The following NEK10 variants were observed in gnomAD, a reference collection of about 807,000 sequenced individuals.
NEK10 encodes serine/threonine-protein kinase Nek10.
NEK10 carries 122 observed loss-of-function variants against 159.8 expected under a neutral mutation model. That is an observed-to-expected ratio of 0.76 (90% confidence interval 0.66 to 0.89). The LOEUF is 0.89. Ranked by LOEUF, NEK10 falls within the 40% of genes least tolerant of loss-of-function variation. The pLI, the probability that NEK10 is intolerant of heterozygous loss-of-function variation, is 0.00. For missense variants in NEK10, 1,342 were observed against 1,323.1 expected (o/e 1.01, Z -0.22); for synonymous variants, 466 against 457.1 (o/e 1.02, Z -0.25).
intron 23 of NEK10, among the ~76,000 whole-genome samples, chr3:27,219,163 A>C (rs998852479): frequency 8.5e-5 from 13 of 152,242 alleles, no homozygotes; most frequent in African/African-American, 3.1e-4. Flanking sequence ...TTTTCCTTAA[A>C]GGCGTAGCCA....
chr3:27,294,873 C>T (rs1168667375), intron 15 of NEK10, among the ~76,000 whole-genome samples: 1 of 152,136 alleles, frequency 6.6e-6, no homozygotes, highest in Non-Finnish European at 1.5e-5. Context: ...ATACCCACTC[C>T]TCAAAAACGA....
chr3:27,131,245 G>C (rs1384713151), intron 32 of NEK10, among the ~76,000 whole-genome samples: 2 of 152,132 alleles, frequency 1.3e-5, no homozygotes, highest in Non-Finnish European at 2.9e-5. Flanking sequence ...GCCTTTCAGG[G>C]GAGCTTATGG....
At chr3:27,357,812 C>T (rs1026860318) in intron 1 of NEK10, among the ~76,000 whole-genome samples, 1 of 152,066 alleles carries the variant, frequency 6.6e-6, no homozygotes, top group African/African-American at 2.4e-5. Flanking sequence ...GCCCTAAGTA[C>T]AGAGTCTGAG....
intron 29 of NEK10, among the ~76,000 whole-genome samples, chr3:27,167,404 T>C (rs988151876): frequency 5.9e-5 from 9 of 152,132 alleles, no homozygotes; most frequent in Non-Finnish European, 1.0e-4. Context: ...TAAATATCCA[T>C]CAATTAAACA....
intron 23 of NEK10, among the ~76,000 whole-genome samples, chr3:27,241,718 C>T (rs1310059221): frequency 6.6e-6 from 1 of 152,204 alleles, no homozygotes; most frequent in Non-Finnish European, 1.5e-5. Flanking sequence ...ATTCTTTTCT[C>T]AGGGTCTGCC....
intron 23 of NEK10, among the ~76,000 whole-genome samples, chr3:27,204,414 T>A (rs1282097852): frequency 8.4e-6 from 1 of 119,714 alleles, no homozygotes; most frequent in Non-Finnish European, 1.7e-5. Flanking sequence ...ACCCACTAAC[T>A]CGTCATCTAG....
At chr3:27,333,228 C>G (rs1294938591) in intron 5 of NEK10, among the ~76,000 whole-genome samples, 1 of 152,058 alleles carries the variant, frequency 6.6e-6, no homozygotes, top group East Asian at 1.9e-4. Flanking sequence ...CCATGGACTC[C>G]TGCAATCCTA....
chr3:27,222,951 G>A (rs1044147100), intron 23 of NEK10, among the ~76,000 whole-genome samples: 1 of 151,610 alleles, frequency 6.6e-6, no homozygotes, highest in Non-Finnish European at 1.5e-5. Flanking sequence ...TTGGCAACAT[G>A]ACCTTAAATA....
rs1177252163 is a variant in NEK10 at position 27,109,395 on chromosome 3, A to AG, written c.*1876_*1877insC. On this transcript the variant is annotated 3_prime_UTR_variant, in exon 36 of 36. Transcript: ENST00000691995. ...CTCTGTCTTAAAAAAAAAAAAAAAA[A>AG]AAAAGAGTTAGATGGAAACATTTTG... 6.6e-6 allele frequency among the ~76,000 whole-genome samples: 1 copy of AG among 151,760 alleles called. No homozygotes were observed. The highest frequency in any genetic ancestry group is 1.5e-5 in the Non-Finnish European group (1 of 67,914).
At chr3:27,161,468 T>C (rs1946005065) in intron 30 of NEK10, among the ~76,000 whole-genome samples, 1 of 152,156 alleles carries the variant, frequency 6.6e-6, no homozygotes, top group Admixed American at 6.5e-5. Flanking sequence ...TACAAAAGAA[T>C]GTGAATCAAG....
intron 22 of NEK10, among the ~76,000 whole-genome samples, chr3:27,265,954 C>T (rs925420126): frequency 6.6e-5 from 10 of 151,658 alleles, no homozygotes; most frequent in African/African-American, 1.9e-4. Context: ...CTACAGGTGT[C>T]CGCCACCACG....
At chr3:27,183,048 T>C (rs1165332009) in intron 26 of NEK10, among the ~76,000 whole-genome samples, 1 of 152,042 alleles carries the variant, frequency 6.6e-6, no homozygotes, top group Non-Finnish European at 1.5e-5. Context: ...TAATTTATTG[T>C]ATATTTAAAA....
In NEK10 at chr3:27,186,300, T is replaced by A. The variant is rs578117475; in HGVS notation, c.2505+5729A>T. 2.0e-5 allele frequency among the ~76,000 whole-genome samples: 3 copies of A among 152,310 alleles called. No homozygotes were observed. The South Asian group carries it at 6.2e-4, about 32-fold the overall frequency. The stretch of plus-strand genomic sequence containing the variant: ...CTTTTCTTCTACTGTTAAGACCAGT[T>A]TATGAGGCTGAGATTTATAGACCCA... On this transcript the variant is annotated intron_variant, in intron 26 of 35. Coordinates refer to ENST00000691995, the MANE Select transcript of NEK10 (RefSeq NM_001394966.1).
At chr3:27,153,901 T>C (rs542576281) in intron 30 of NEK10, among the ~76,000 whole-genome samples, 7 of 151,998 alleles carry the variant, frequency 4.6e-5, no homozygotes, top group East Asian at 3.9e-4. Flanking sequence ...CAAGGAACTA[T>C]AGAAACAAGA....
intron 1 of NEK10, among the ~76,000 whole-genome samples, chr3:27,357,385 C>A (rs1318447146): frequency 1.3e-5 from 2 of 152,110 alleles, no homozygotes; most frequent in African/African-American, 4.8e-5. Flanking sequence ...TAAATAAAAT[C>A]AGTTGATGAG....
At chr3:27,246,344 A>AT (rs1263048664) in intron 23 of NEK10, among the ~76,000 whole-genome samples, 1 of 152,084 alleles carries the variant, frequency 6.6e-6, no homozygotes, top group African/African-American at 2.4e-5. Flanking sequence ...CTCAATAGGT[A>AT]TTTTTTCTGA....
chr3:27,187,399 G>GTTTGTATACCA (rs2148952854), intron 26 of NEK10, among the ~76,000 whole-genome samples: 1 of 152,078 alleles, frequency 6.6e-6, no homozygotes. Context: ...ACAAACAGGG[G>GTTTGTATACCA]TTCAAAACAA....
intron 35 of NEK10, among the ~76,000 whole-genome samples, chr3:27,113,216 C>T (rs1939827655): frequency 7.0e-6 from 1 of 143,366 alleles, no homozygotes; most frequent in African/African-American, 3.0e-5. Flanking sequence ...GGTGGATCAC[C>T]TGAGGCCAGG....
At chr3:27,213,854 G>C (rs966871372) in intron 23 of NEK10, among the ~76,000 whole-genome samples, 1 of 152,172 alleles carries the variant, frequency 6.6e-6, no homozygotes, top group Non-Finnish European at 1.5e-5. Context: ...GCCCTGCAAA[G>C]CTGTCTCTTG....
Sources: allele counts gnomAD v4.1 joint callset (sites outside exome capture counted in the v4.1 genomes callset), GRCh38; gene constraint gnomAD v4.1.1; transcripts MANE v1.5; gene names NCBI Gene and HGNC (gene_info 2026-07-23, HGNC 2026-07-21).